Variants in AK9 observed in about 807,000 individuals in gnomAD.
AK9 encodes adenylate kinase 9, also known as adenylate kinase domain containing 1.
Under a neutral mutation model 239.6 loss-of-function variants are expected in AK9, and 191 were observed. The observed-to-expected ratio is 0.80, with a 90% confidence interval of 0.71 to 0.90. The LOEUF (loss-of-function observed/expected upper bound fraction) is 0.90, where lower values mean the gene tolerates loss of function less well. Ranked by LOEUF, AK9 falls within the 40% of genes least tolerant of loss-of-function variation. AK9 has a pLI of 0.00. For synonymous variants in AK9, 689 were observed against 721.0 expected (o/e 0.96, Z 0.71); for missense variants, 1,995 against 2,214.7 (o/e 0.90, Z 1.99).
intron 30 of AK9, 96 bp from the exon 31 acceptor site, chr6:109,516,171 TCAGTC>T: frequency 9.0e-7 from 1 of 1,105,304 alleles, no homozygotes; most frequent in Non-Finnish European, 1.3e-6. Context: ...ACTGACTACT[TCAGTC>T]CAGAACACAA....
chr6:109,650,722 C>T (rs1332975590), intron 8 of AK9, among the ~76,000 whole-genome samples: 3 of 152,156 alleles, frequency 2.0e-5, no homozygotes, highest in Non-Finnish European at 4.4e-5. Flanking sequence ...CCAGCCATCC[C>T]ATTACTGGGT....
intron 1 of AK9, among the ~76,000 whole-genome samples, chr6:109,682,523 G>A (rs925065382): frequency 1.3e-5 from 2 of 149,512 alleles, no homozygotes; most frequent in African/African-American, 5.0e-5. Context: ...AAGAATAAAA[G>A]ACAGAAGAAT....
Position 109,633,343 on chromosome 6 carries a change from C to T in AK9, c.934-20G>A. 1.3e-6 allele frequency: 2 copies of T among 1,581,456 alleles called. No individual in the cohort carries two copies. Among genetic ancestry groups the T allele is most frequent in the Non-Finnish European group, 1.7e-6 (2 of 1,174,012 alleles). On this transcript the variant is annotated intron_variant, in intron 10 of 40. Transcript: ENST00000424296. Reference sequence around the variant, plus strand: ...CTCATCCTGTGAATTGCAAATACTACATTAAAAATATGGGCATAAATTTTG... The same window carrying T: ...CTCATCCTGTGAATTGCAAATACTATATTAAAAATATGGGCATAAATTTTG...
At chr6:109,573,253 G>A (rs987079159) in intron 21 of AK9, among the ~76,000 whole-genome samples, 189 bp downstream of exon 21, 4 of 100,542 alleles carry the variant, frequency 4.0e-5, no homozygotes, top group Non-Finnish European at 7.2e-5. Context: ...CAGTGCTGGG[G>A]CAGAGCAGCC....
At chr6:109,586,883 T>C (rs1789569291) in intron 17 of AK9, among the ~76,000 whole-genome samples, 2 of 152,160 alleles carry the variant, frequency 1.3e-5, no homozygotes, top group Admixed American at 6.5e-5. Flanking sequence ...TACCATTAGG[T>C]AATCACAAAA....
Position 109,610,295 on chromosome 6 carries a change from A to T in AK9, c.1842+70T>A. 2.7e-6 allele frequency: 4 copies of T among 1,465,536 alleles called. No individual in the cohort carries two copies. The East Asian group carries it at 9.9e-5, about 36-fold the overall frequency. The allele number at this position is 1,465,536 out of a possible 1,614,324, so 90.8% of individuals were successfully genotyped here. ...TCATAAGACTCTAAAATAATTACAC[A>T]CATATTAGATTAACATTTTCTCAGT... On this transcript the variant is annotated intron_variant, in intron 17 of 40. Coordinates refer to ENST00000424296, the MANE Select transcript of AK9 (RefSeq NM_001145128.3).
rs1794323944 is a variant in AK9, at chr6:109,617,553, A to T, written c.1399+1539T>A. 2.0e-5 allele frequency among the ~76,000 whole-genome samples: 3 copies of T among 152,138 alleles called. No individual in the cohort carries two copies. The South Asian group carries it at 6.2e-4, about 31-fold the overall frequency. On this transcript the variant is annotated intron_variant, in intron 13 of 40. Coordinates refer to ENST00000424296, the MANE Select transcript of AK9 (RefSeq NM_001145128.3). ...AGTTGGCATTTCAAACCTCCAGTAAAATTATGGATAATTTAGTAATTGTTA... is the reference window on the plus strand; with the variant it reads ...AGTTGGCATTTCAAACCTCCAGTAATATTATGGATAATTTAGTAATTGTTA...
At chr6:109,635,870 C>T (rs1430975635) in intron 10 of AK9, among the ~76,000 whole-genome samples, 2 of 152,168 alleles carry the variant, frequency 1.3e-5, no homozygotes, top group Non-Finnish European at 2.9e-5. Flanking sequence ...TTAAACTAAG[C>T]ACATGGTCCT....
intron 35 of AK9, among the ~76,000 whole-genome samples, chr6:109,500,034 TACACACACACACAC>T (rs36086518): frequency 3.5e-5 from 5 of 141,466 alleles, no homozygotes; most frequent in African/African-American, 5.3e-5. Flanking sequence ...ATATATATGA[TACACACACACACAC>T]ACACACACAC....
chr6:109,653,048 T>C (rs959432638), intron 8 of AK9, among the ~76,000 whole-genome samples: 1 of 152,136 alleles, frequency 6.6e-6, no homozygotes, highest in African/African-American at 2.4e-5. Flanking sequence ...TGCCTCAGCC[T>C]CCTGAGTAGC....
chr6:109,656,777 T>A lies in AK9; in HGVS notation c.738A>T (p.Glu246Asp). The change falls in exon 8 of 41, where the codon GAA becomes GAT. Residue 246 changes from glutamate to aspartate, a missense_variant. By Grantham distance (45) the Glu-to-Asp change is conservative. Around this residue, in one of 5 missense-constraint regions of AK9, gnomAD observed 1,290 missense variants for 1,392.7 expected, o/e 0.93. Transcript: ENST00000424296. The part of the protein sequence containing the change: ...NVENIVKLYK[E>D]TILQTLEEVM... ...TTACTTCTAAAGTTTGGAGAATTGT[T>A]TCCTTATAAAGCTTAACAATGTTTT... is the stretch of plus-strand genomic sequence containing the variant. The A allele has an allele frequency of 6.3e-7, 1 of 1,596,776 alleles. No individual in the cohort carries two copies. Among genetic ancestry groups the A allele is most frequent in the Non-Finnish European group, 8.6e-7 (1 of 1,167,266 alleles).
At chr6:109,583,841 A>G (rs1789154444) in intron 19 of AK9, among the ~76,000 whole-genome samples, 1 of 152,148 alleles carries the variant, frequency 6.6e-6, no homozygotes, top group African/African-American at 2.4e-5. Context: ...TACAAATCAC[A>G]TCAACTTTGT....
intron 29 of AK9, among the ~76,000 whole-genome samples, chr6:109,517,967 C>T (rs1160596004): frequency 1.3e-5 from 2 of 151,980 alleles, no homozygotes; most frequent in Admixed American, 6.6e-5. Context: ...GGATGAGAGT[C>T]CTGGGTGGGA....
intron 17 of AK9, 33 bp from the exon 18 acceptor site, chr6:109,586,105 T>C (rs757667550): frequency 1.1e-5 from 17 of 1,507,806 alleles, no homozygotes; most frequent in African/African-American, 4.2e-5. Context: ...ATTACTATCA[T>C]AGCTTGACAA....
intron 1 of AK9, chr6:109,690,765 C>A (rs1774259876): frequency 6.6e-6 from 1 of 152,442 alleles, no homozygotes; most frequent in Non-Finnish European, 1.5e-5. Flanking sequence ...TCATTTCAAG[C>A]GCGGCTCCGC....
chr6:109,532,002 T>C (rs866186718), intron 28 of AK9, among the ~76,000 whole-genome samples: 1 of 152,158 alleles, frequency 6.6e-6, no homozygotes, highest in Admixed American at 6.5e-5. Context: ...AACCCCAAGA[T>C]GAAAAGAATT....
intron 10 of AK9, among the ~76,000 whole-genome samples, chr6:109,638,646 A>AT (rs1313465218): frequency 1.3e-5 from 2 of 151,974 alleles, no homozygotes; most frequent in Non-Finnish European, 2.9e-5. Context: ...CGTCTGGTTA[A>AT]TTTTTTAAAA....
At chr6:109,585,489 G>T (rs1289447839) in intron 18 of AK9, among the ~76,000 whole-genome samples, 1 of 151,862 alleles carries the variant, frequency 6.6e-6, no homozygotes, top group Non-Finnish European at 1.5e-5. Flanking sequence ...TTTTCCCCTG[G>T]CAATTCCCAT....
At chr6:109,547,343 AT>A (rs1783696180) in intron 25 of AK9, among the ~76,000 whole-genome samples, 1 of 152,366 alleles carries the variant, frequency 6.6e-6, no homozygotes, top group Non-Finnish European at 1.5e-5. Context: ...CAGTAATCCT[AT>A]CCCAGGGAGC....
Sources: gnomAD v4.1 joint callset for allele counts (sites outside exome capture counted in the v4.1 genomes callset) on GRCh38, gnomAD v4.1.1 for gene constraint, gnomAD v4.1.1 regional missense constraint, MANE v1.5 for transcripts, NCBI Gene and HGNC (gene_info 2026-07-23, HGNC 2026-07-21) for gene names.